The following MTA3 variants were observed in gnomAD, a reference collection of about 807,000 sequenced individuals.
The protein encoded by MTA3 is metastasis associated 1 family member 3.
Under a neutral mutation model 83.5 loss-of-function variants are expected in MTA3, and 34 were observed. The observed-to-expected ratio is 0.41, with a 90% CI of 0.31 to 0.54. The LOEUF is 0.54. Among genes scored for constraint, MTA3 ranks in the 20% least tolerant of loss-of-function variants. MTA3 has a pLI of 0.33. For missense variants in MTA3, 761 were observed against 726.4 expected, an observed-to-expected ratio of 1.05 and a Z score of -0.55; for synonymous variants, 303 against 252.7, an observed-to-expected ratio of 1.20 and a Z score of -1.89.
chr2:42,704,341 G>T (rs2104495397), intron 12 of MTA3, 23 bp downstream of exon 12: 1 of 1,612,850 alleles, frequency 6.2e-7, no homozygotes, highest in East Asian at 2.2e-5. Context: ...TAGCAGGTCA[G>T]TTAAGCATCG....
chr2:42,736,840 G>T (rs978612988), intron 16 of MTA3, among the ~76,000 whole-genome samples: 1 of 152,126 alleles, frequency 6.6e-6, no homozygotes, highest in Non-Finnish European at 1.5e-5. Flanking sequence ...GTCAGCAGCT[G>T]GTGAATCCTG....
intron 6 of MTA3, among the ~76,000 whole-genome samples, chr2:42,655,362 A>G (rs1318971867): frequency 6.6e-6 from 1 of 152,114 alleles, no homozygotes; most frequent in African/African-American, 2.4e-5. Flanking sequence ...TTAATGCCCC[A>G]TGACTTTGTT....
chr2:42,629,257 CTT>C (rs1686437397), intron 4 of MTA3, among the ~76,000 whole-genome samples: 1 of 151,736 alleles, frequency 6.6e-6, no homozygotes, highest in Admixed American at 6.6e-5. Flanking sequence ...TTTTTTGTAT[CTT>C]TAGTAGAGAC....
chr2:42,708,790 A>G (rs1309877402), intron 13 of MTA3, 84 bp from the exon 14 acceptor site: 1 of 1,403,856 alleles, frequency 7.1e-7, no homozygotes, highest in Admixed American at 2.0e-5. Context: ...TAAAAGTTGC[A>G]CTTTTCTTTT....
chr2:42,708,874 G>A lies in MTA3; in HGVS notation c.1303G>A (p.Asp435Asn), dbSNP rs745982555. The change falls in exon 14 of 17, where the codon GAC becomes AAC. Residue 435 changes from aspartate (D) to asparagine (N), a missense_variant and splice_region_variant. Asp to Asn is a conservative substitution (Grantham distance 23, BLOSUM62 1). Transcript: ENST00000405094. ...EKLSPSPTTE[D>N]PRVRSHVSRQ... is the part of the protein sequence containing the mutation. ...TGTTTGTTGTTTTCTGATTTTGCAG[G>A]ACCCTCGTGTTAGAAGTCACGTGTC... The A allele has an allele frequency of 1.2e-6, 2 of 1,613,718 alleles. No homozygotes were observed. Among genetic ancestry groups the A allele is most frequent in the Non-Finnish European group, 1.7e-6 (2 of 1,179,778 alleles).
intron 10 of MTA3, among the ~76,000 whole-genome samples, chr2:42,696,877 A>G (rs1693432366): frequency 1.3e-5 from 2 of 152,242 alleles, no homozygotes; most frequent in South Asian, 2.1e-4. Context: ...ATTATAAACA[A>G]CTTAGGTATA....
intron 2 of MTA3, among the ~76,000 whole-genome samples, chr2:42,495,833 C>T (rs1327893379): frequency 6.6e-6 from 1 of 152,118 alleles, no homozygotes; most frequent in Non-Finnish European, 1.5e-5. Flanking sequence ...GGAATGGGAT[C>T]CCCAACCCCG....
rs76914050 is a variant in MTA3 at position 42,696,159 on chromosome 2, G to C, written c.966+320G>C. The stretch of plus-strand genomic sequence containing the variant: ...GATGTGATGCTAACACAAACCTCTT[G>C]AACAAGTTATTTTTATGAAGAATTG... On this transcript the variant is annotated intron_variant, in intron 10 of 16. Coordinates refer to ENST00000405094, the MANE Select transcript of MTA3 (RefSeq NM_001330442.2). 1.1e-4 allele frequency among the ~76,000 whole-genome samples: 17 copies of C among 152,166 alleles called. No homozygotes were observed. In the East Asian group the frequency reaches 3.3e-3, roughly 29 times the overall value.
chr2:42,637,579 A>G (rs901675882), intron 4 of MTA3, among the ~76,000 whole-genome samples: 3 of 152,194 alleles, frequency 2.0e-5, no homozygotes, highest in African/African-American at 7.2e-5. Flanking sequence ...TTAATTACAT[A>G]TTCATATTTA....
intron 4 of MTA3, among the ~76,000 whole-genome samples, chr2:42,617,668 A>G (rs375725725): frequency 1.3e-5 from 2 of 152,072 alleles, no homozygotes; most frequent in African/African-American, 4.8e-5. Context: ...CTCAGCTACT[A>G]GGGAGGCTGA....
intron 2 of MTA3, among the ~76,000 whole-genome samples, chr2:42,576,901 C>G (rs889992482): frequency 1.0e-4 from 15 of 150,422 alleles, no homozygotes; most frequent in African/African-American, 3.4e-4. Flanking sequence ...TCTCAACAAA[C>G]AAACAAAAAA....
At chr2:42,700,837 A>G (rs1693802405) in intron 11 of MTA3, among the ~76,000 whole-genome samples, 1 of 152,250 alleles carries the variant, frequency 6.6e-6, no homozygotes, top group South Asian at 2.1e-4. Context: ...GCAGTGGCTC[A>G]TGCCTGTAAT....
At chr2:42,708,454 C>G (rs1666300973) in intron 13 of MTA3, among the ~76,000 whole-genome samples, 1 of 152,164 alleles carries the variant, frequency 6.6e-6, no homozygotes, top group African/African-American at 2.4e-5. Flanking sequence ...TGGACTTAAT[C>G]TTGAGGTGAA....
chr2:42,561,987 G>A (rs768726729), intron 2 of MTA3, among the ~76,000 whole-genome samples: 1 of 152,156 alleles, frequency 6.6e-6, no homozygotes, highest in Non-Finnish European at 1.5e-5. Context: ...TTGAAAGCAA[G>A]GTGTCAGTAG....
At chr2:42,744,581 G>A (rs948445838) in intron 16 of MTA3, among the ~76,000 whole-genome samples, 1 of 152,190 alleles carries the variant, frequency 6.6e-6, no homozygotes, top group Non-Finnish European at 1.5e-5. Context: ...TGACCTCTGA[G>A]AAGGAAAGTG....
chr2:42,579,372 T>C (rs1679372422), intron 3 of MTA3, among the ~76,000 whole-genome samples, 172 bp downstream of exon 3: 1 of 150,088 alleles, frequency 6.7e-6, no homozygotes, highest in South Asian at 2.1e-4. Flanking sequence ...TGGTGTTTGG[T>C]TTCAGTGTAT....
chr2:42,735,512 G>C (rs1401743157), intron 16 of MTA3, among the ~76,000 whole-genome samples: 1 of 151,950 alleles, frequency 6.6e-6, no homozygotes, highest in Non-Finnish European at 1.5e-5. Flanking sequence ...TCTTTCTCTA[G>C]GTTTGAGAAG....
chr2:42,677,321 C>T (rs914017847), intron 8 of MTA3, among the ~76,000 whole-genome samples: 1 of 151,910 alleles, frequency 6.6e-6, no homozygotes, highest in African/African-American at 2.4e-5. Context: ...GAATAAGTCT[C>T]ATGAGATCTG....
intron 2 of MTA3, among the ~76,000 whole-genome samples, chr2:42,535,856 T>C (rs977293990): frequency 6.8e-6 from 1 of 146,582 alleles, no homozygotes; most frequent in African/African-American, 2.5e-5. Context: ...CAGTGGCTCA[T>C]GCCTGTAATC....
Sources: gnomAD v4.1 joint callset for allele counts (sites outside exome capture counted in the v4.1 genomes callset) on GRCh38, gnomAD v4.1.1 for gene constraint, MANE v1.5 for transcripts, NCBI Gene and HGNC (gene_info 2026-07-23, HGNC 2026-07-21) for gene names.